The following CDKAL1 variants were observed in gnomAD, a reference collection of about 807,000 sequenced individuals.
The protein encoded by CDKAL1 is CDKAL1 threonylcarbamoyladenosine tRNA methylthiotransferase.
A neutral mutation model predicts 68.2 loss-of-function variants in CDKAL1; 32 were observed. That is an observed-to-expected ratio of 0.47 (90% CI 0.35 to 0.63). The LOEUF (loss-of-function observed/expected upper bound fraction) is 0.63, where lower values mean the gene tolerates loss of function less well. CDKAL1 is among the 30% of genes least tolerant of loss of function. CDKAL1 has a pLI of 0.00. For missense variants in CDKAL1, 606 were observed against 696.7 expected, an observed-to-expected ratio of 0.87 and a Z score of 1.47; for synonymous variants, 234 against 244.3, an observed-to-expected ratio of 0.96 and a Z score of 0.39.
intron 6 of CDKAL1, among the ~76,000 whole-genome samples, chr6:20,744,896 G>A (rs889379521): frequency 2.0e-5 from 3 of 152,046 alleles, no homozygotes; most frequent in African/African-American, 7.3e-5. Flanking sequence ...TCATTGGACT[G>A]ATCATTGTAA....
chr6:20,807,283 G>C (rs1776611448), intron 8 of CDKAL1, among the ~76,000 whole-genome samples: 1 of 152,122 alleles, frequency 6.6e-6, no homozygotes, highest in South Asian at 2.1e-4. Context: ...GAGTGCAGTG[G>C]CACGATCTTG....
intron 10 of CDKAL1, among the ~76,000 whole-genome samples, chr6:20,978,672 A>G (rs766821144): frequency 2.6e-5 from 4 of 152,212 alleles, no homozygotes; most frequent in Non-Finnish European, 5.9e-5. Flanking sequence ...TTACTGAGTG[A>G]TGAAATACAG....
At chr6:20,940,831 C>A (rs568255972) in intron 9 of CDKAL1, among the ~76,000 whole-genome samples, 1 of 152,326 alleles carries the variant, frequency 6.6e-6, no homozygotes, top group Non-Finnish European at 1.5e-5. Context: ...TGGCTCACGC[C>A]TGTAATCCCA....
chr6:21,227,435 A>G (rs1031484518), intron 15 of CDKAL1, among the ~76,000 whole-genome samples: 9 of 152,270 alleles, frequency 5.9e-5, no homozygotes, highest in African/African-American at 2.2e-4. Flanking sequence ...AAACTTTAAA[A>G]ATATTATGTT....
rs769281415 is a variant in CDKAL1, at chr6:20,822,819, TC to T, written c.639-23254del. On this transcript the variant is annotated intron_variant, in intron 8 of 15. Coordinates refer to ENST00000274695, the MANE Select transcript of CDKAL1 (RefSeq NM_017774.3). Reference sequence around the variant, plus strand: ...TTCACCTTCCACCATGATTTAAGTTTCCAAGCCTCCCCAGCCATGCTGAATT... The same window carrying T: ...TTCACCTTCCACCATGATTTAAGTTTCAAGCCTCCCCAGCCATGCTGAATT... 4.6e-5 allele frequency among the ~76,000 whole-genome samples: 7 copies of T among 152,254 alleles called. No homozygotes were observed. In the East Asian group the frequency reaches 1.4e-3, roughly 29 times the overall value.
At chr6:21,015,272 T>G (rs116215116) in intron 11 of CDKAL1, among the ~76,000 whole-genome samples, 2,515 of 152,362 alleles carry the variant, frequency 0.017, 33 homozygotes, top group Admixed American at 0.031. Context: ...TAGTCAATTT[T>G]GATCAATGAA....
intron 5 of CDKAL1, among the ~76,000 whole-genome samples, chr6:20,652,441 C>T (rs775131883): frequency 1.3e-5 from 2 of 152,146 alleles, no homozygotes; most frequent in African/African-American, 2.4e-5. Context: ...CTCAAGTTAA[C>T]GTGGAAGAAG....
At chr6:20,796,926 A>C (rs1403045228) in intron 8 of CDKAL1, among the ~76,000 whole-genome samples, 2 of 152,232 alleles carry the variant, frequency 1.3e-5, no homozygotes, top group Non-Finnish European at 2.9e-5. Context: ...AAACTTTAAA[A>C]ATTGTAGAAT....
intron 11 of CDKAL1, among the ~76,000 whole-genome samples, chr6:21,023,609 AATG>A (rs1768802027): frequency 6.6e-6 from 1 of 152,160 alleles, no homozygotes; most frequent in South Asian, 2.1e-4. Flanking sequence ...CAAATCATTA[AATG>A]ATATGCTTCT....
chr6:20,739,457 C>G, intron 5 of CDKAL1, 62 bp from the exon 6 acceptor site: 1 of 1,000,984 alleles, frequency 1.0e-6, no homozygotes, highest in Middle Eastern at 2.1e-4. Flanking sequence ...GCACTAACAA[C>G]AGTTTCCAAG....
At chr6:20,855,554 C>T (rs1158039905) in intron 9 of CDKAL1, among the ~76,000 whole-genome samples, 1 of 150,260 alleles carries the variant, frequency 6.7e-6, no homozygotes, top group Non-Finnish European at 1.5e-5. Context: ...ATACTACTCA[C>T]TGATAATCTG....
At chr6:20,943,340 A>G (rs868619842) in intron 9 of CDKAL1, among the ~76,000 whole-genome samples, 1 of 79,006 alleles carries the variant, frequency 1.3e-5, no homozygotes, top group African/African-American at 4.3e-5. Flanking sequence ...AAAAAAAAAA[A>G]AAAAGAAAAA....
rs564981666 is a variant in CDKAL1, at chr6:21,000,141, T to C, written c.910-86T>C. On this transcript the variant is annotated intron_variant, in intron 10 of 15. Transcript: ENST00000274695. ...GTCTGTTTTCAGCTAGTATGTTTAT[T>C]TGCTTGCGCTTGTGGTGTTGATGTG... The C allele has an allele frequency of 6.7e-5, 66 of 991,522 alleles. No individual in the cohort carries two copies. The Admixed American group carries it at 1.4e-3, about 20-fold the overall frequency. The allele number at this position is 991,522 out of a possible 1,614,324, so 61.4% of individuals were successfully genotyped here.
At chr6:20,966,312 C>A (rs954369889) in intron 10 of CDKAL1, among the ~76,000 whole-genome samples, 2 of 152,138 alleles carry the variant, frequency 1.3e-5, no homozygotes, top group African/African-American at 4.8e-5. Flanking sequence ...AATTTAAGTT[C>A]AAAAATTCTT....
chr6:21,041,529 G>A (rs1452330799), intron 11 of CDKAL1, among the ~76,000 whole-genome samples: 1 of 149,698 alleles, frequency 6.7e-6, no homozygotes, highest in Non-Finnish European at 1.5e-5. Context: ...AATTTTCAAT[G>A]TAATAAAATA....
At chr6:20,545,997 AC>A (rs1763586272) in intron 2 of CDKAL1, among the ~76,000 whole-genome samples, 1 of 152,236 alleles carries the variant, frequency 6.6e-6, no homozygotes, top group Admixed American at 6.5e-5. Flanking sequence ...ACAATCAAGA[AC>A]ATGAACTGCA....
At chr6:20,949,436 ATG>A (rs1764413560) in intron 9 of CDKAL1, among the ~76,000 whole-genome samples, 1 of 152,150 alleles carries the variant, frequency 6.6e-6, no homozygotes, top group Non-Finnish European at 1.5e-5. Context: ...GTGTTTGTAT[ATG>A]TGTGTTTATA....
Position 20,949,679 on chromosome 6 carries a change from A to G in CDKAL1, c.743-5740A>G, listed in dbSNP as rs116806278. On this transcript the variant is annotated intron_variant, in intron 9 of 15. Coordinates refer to ENST00000274695, the MANE Select transcript of CDKAL1 (RefSeq NM_017774.3). ...GCCTGGGAAATGCTTCTTTTCTCTC[A>G]GGGAAGACAAACCAATAATTATAAC... Among the ~76,000 whole-genome samples the G allele has an allele frequency of 2.3e-3, 350 of 152,150 alleles. 2 individuals carry two copies. Among genetic ancestry groups the G allele is most frequent in the African/African-American group, 8.0e-3 (333 of 41,504 alleles).
intron 9 of CDKAL1, among the ~76,000 whole-genome samples, chr6:20,886,391 A>G (rs908683141): frequency 6.6e-6 from 1 of 152,194 alleles, no homozygotes; most frequent in African/African-American, 2.4e-5. Flanking sequence ...TCCTAGGTAT[A>G]TGCTCCAAAG....
Sources: gnomAD v4.1 joint callset for allele counts (sites outside exome capture counted in the v4.1 genomes callset) on GRCh38, gnomAD v4.1.1 for gene constraint, MANE v1.5 for transcripts, NCBI Gene and HGNC (gene_info 2026-07-23, HGNC 2026-07-21) for gene names.